Variants in ODF2 observed in about 807,000 individuals in gnomAD.
ODF2 encodes outer dense fiber protein 2.
In ODF2, 47 loss-of-function variants were observed where a neutral mutation model predicts 110.2. The ratio of observed to expected loss-of-function variants is 0.43; its 90% CI spans 0.34 to 0.54. The LOEUF (loss-of-function observed/expected upper bound fraction) is 0.54. ODF2 is among the 20% of genes least tolerant of loss of function. ODF2 has a pLI of 0.03. For missense variants in ODF2, 812 were observed against 1,054.5 expected, an observed-to-expected ratio of 0.77 and a Z score of 3.19; for synonymous variants, 352 against 397.7, an observed-to-expected ratio of 0.89 and a Z score of 1.37.
intron 16 of ODF2, among the ~76,000 whole-genome samples, chr9:128,493,976 G>T (rs1465379384): frequency 6.6e-6 from 1 of 152,108 alleles, no homozygotes; most frequent in South Asian, 2.1e-4. Flanking sequence ...TGTATTTTTA[G>T]TAGAGACAGG....
rs756010325 is a variant in ODF2 at position 128,496,021 on chromosome 9, C to T, written c.1912-20C>T. 12 of 1,613,340 alleles carry T rather than the reference C, an allele frequency of 7.4e-6. No homozygotes were observed. The African/African-American group carries it at 1.6e-4, about 22-fold the overall frequency. On this transcript the variant is annotated intron_variant, in intron 17 of 20. Coordinates refer to ENST00000604420, the Ensembl canonical transcript of ODF2. ...GCGGGAAATTCCTTTGTAAACCAGT[C>T]TGTGTTCCTGTCATTTTAGATCGAA...
chr9:128,485,869 A>G lies in ODF2; in HGVS notation c.1400+395A>G, dbSNP rs575482301. ...AGTGTCTTCTCTCTGTTGTCTGTCCAGGGACAGCAGCTGTTTGCCAGTGCC... is the reference window on the plus strand; with the variant it reads ...AGTGTCTTCTCTCTGTTGTCTGTCCGGGGACAGCAGCTGTTTGCCAGTGCC... On this transcript the variant is annotated intron_variant, in intron 13 of 20. Transcript: ENST00000604420. This position sits in a 1 kb window ranked among gnomAD's most constrained non-coding sequence, Gnocchi z 5.0. Among the ~76,000 whole-genome samples the G allele has an allele frequency of 9.2e-5, 14 of 152,246 alleles. No individual in the cohort carries two copies. The highest frequency in any genetic ancestry group is 1.3e-4 in the Non-Finnish European group (9 of 67,998).
intron 1 of ODF2, chr9:128,456,760 G>C (rs1022628131): frequency 8.0e-6 from 7 of 877,876 alleles, no homozygotes; most frequent in Middle Eastern, 5.8e-4. Flanking sequence ...TCGCCCGGCG[G>C]GGGGGGGTCC....
At position 128,494,407 on chromosome 9, in the gene ODF2, A is replaced by G. The variant is rs1192181280; in HGVS notation, c.1753-103A>G. ...AGGATCCTCCACTGGGGACTGTGTC[A>G]GCCCTGCCCTAACTCTAAAGGACTC... is the stretch of plus-strand genomic sequence containing the variant. On this transcript the variant is annotated intron_variant, in intron 16 of 20. Coordinates refer to ENST00000604420, the Ensembl canonical transcript of ODF2. This position sits in a 1 kb window ranked among gnomAD's most constrained non-coding sequence, Gnocchi z 4.6. 5.9e-6 allele frequency: 6 copies of G among 1,012,540 alleles called. No homozygotes were observed. In the East Asian group the frequency reaches 1.2e-4, roughly 21 times the overall value. The allele number at this position is 1,012,540 out of a possible 1,614,324, so 62.7% of individuals were successfully genotyped here.
chr9:128,485,527 G>C lies in ODF2; in HGVS notation c.1400+53G>C. 1 of 1,012,044 alleles carries C rather than the reference G, an allele frequency of 9.9e-7. No homozygotes were observed. 62.7% of individuals were successfully genotyped at this position (1,012,044 alleles called of 1,614,324 possible). On this transcript the variant is annotated intron_variant, in intron 13 of 20. Transcript: ENST00000604420. This position sits in a 1 kb window ranked among gnomAD's most constrained non-coding sequence, Gnocchi z 5.0. The stretch of plus-strand genomic sequence containing the variant: ...TGGCGCTGTTGAGGGACTTGGGTGT[G>C]CAGGTGGGAGGGGCCTAGTGGCTCA...
intron 8 of ODF2, among the ~76,000 whole-genome samples, chr9:128,479,087 C>T (rs1006795407): frequency 1.3e-5 from 2 of 152,168 alleles, no homozygotes; most frequent in South Asian, 2.1e-4. Context: ...GTTCTGCATC[C>T]GTGGCCAAGC....
At chr9:128,484,767 T>G in exon 12 of ODF2, 1 of 1,608,978 alleles carries the variant, frequency 6.2e-7, no homozygotes, top group Non-Finnish European at 8.5e-7. Flanking sequence ...GCTGAAGGAG[T>G]TGAAGCAGAA....
chr9:128,478,146 A>G (rs1841711567), intron 8 of ODF2, among the ~76,000 whole-genome samples: 1 of 152,050 alleles, frequency 6.6e-6, no homozygotes, highest in Non-Finnish European at 1.5e-5. Context: ...ACAGGTGTGC[A>G]TCACCACACC....
intron 18 of ODF2, chr9:128,497,396 G>A (rs1454527418): frequency 1.7e-5 from 2 of 116,488 alleles, no homozygotes; most frequent in South Asian, 2.9e-4. Flanking sequence ...GGCCATCCTG[G>A]CTAACACGGT....
At chr9:128,468,764 C>T (rs1251921762) in intron 4 of ODF2, among the ~76,000 whole-genome samples, 2 of 152,126 alleles carry the variant, frequency 1.3e-5, no homozygotes, top group Non-Finnish European at 2.9e-5. Flanking sequence ...TCTGGTCATC[C>T]ACCCGCCTCA....
In ODF2 at chr9:128,494,402, G is replaced by A. The variant is rs952776408; in HGVS notation, c.1753-108G>A. Reference sequence around the variant, plus strand: ...TTTGCAGGATCCTCCACTGGGGACTGTGTCAGCCCTGCCCTAACTCTAAAG... The same window carrying A: ...TTTGCAGGATCCTCCACTGGGGACTATGTCAGCCCTGCCCTAACTCTAAAG... On this transcript the variant is annotated intron_variant, in intron 16 of 20. Coordinates refer to ENST00000604420, the Ensembl canonical transcript of ODF2. The surrounding 1 kb of genome is among the most constrained non-coding windows in gnomAD (Gnocchi z 4.6). 9.4e-6 allele frequency: 9 copies of A among 955,300 alleles called. No individual in the cohort carries two copies. The African/African-American group carries it at 1.3e-4, about 14-fold the overall frequency. The allele number at this position is 955,300 out of a possible 1,614,324, so 59.2% of individuals were successfully genotyped here.
intron 8 of ODF2, among the ~76,000 whole-genome samples, chr9:128,478,677 T>C (rs1841832775): frequency 6.6e-6 from 1 of 151,830 alleles, no homozygotes; most frequent in Non-Finnish European, 1.5e-5. Flanking sequence ...CATCCTGGAG[T>C]CCCATCTTCA....
chr9:128,477,558 A>G (rs1020228021), intron 8 of ODF2, among the ~76,000 whole-genome samples: 4 of 151,814 alleles, frequency 2.6e-5, no homozygotes, highest in African/African-American at 4.8e-5. Context: ...AAAAAATTAT[A>G]TATATATATA....
At chr9:128,472,541 G>A (rs1840285161) in intron 6 of ODF2, among the ~76,000 whole-genome samples, 1 of 152,200 alleles carries the variant, frequency 6.6e-6, no homozygotes, top group Non-Finnish European at 1.5e-5. Context: ...GCAGGGAGGT[G>A]GCCTGACTAG....
chr9:128,457,658 C>T (rs1835256951), intron 2 of ODF2, among the ~76,000 whole-genome samples: 1 of 152,214 alleles, frequency 6.6e-6, no homozygotes, highest in Non-Finnish European at 1.5e-5. Context: ...TCACAGCTTC[C>T]TGGAAGCAAA....
intron 16 of ODF2, among the ~76,000 whole-genome samples, chr9:128,493,586 G>A (rs1167778461): frequency 6.6e-6 from 1 of 152,106 alleles, no homozygotes; most frequent in African/African-American, 2.4e-5. Context: ...TTAGAGCAGC[G>A]GGATTATCTT....
downstream of ODF2, chr9:128,500,961 T>C (rs1264904106): frequency 6.6e-6 from 1 of 152,242 alleles, no homozygotes; most frequent in East Asian, 1.9e-4. Context: ...TAATCAGTTA[T>C]TTAAGGCTCC....
intron 6 of ODF2, among the ~76,000 whole-genome samples, chr9:128,472,168 T>C (rs1227880123): frequency 3.9e-5 from 6 of 152,056 alleles, no homozygotes; most frequent in Non-Finnish European, 7.4e-5. Flanking sequence ...TAATCCTAGC[T>C]ACTCTGGAGG....
At position 128,484,898 on chromosome 9, in the gene ODF2, G is replaced by A. The variant is rs766903096; in HGVS notation, c.1290+12G>A. 28 of 1,610,830 alleles carry A rather than the reference G, an allele frequency of 1.7e-5. No individual in the cohort carries two copies. Among genetic ancestry groups the A allele is most frequent in the South Asian group, 3.3e-5 (3 of 90,350 alleles). The stretch of plus-strand genomic sequence containing the variant: ...AACTCGCTGACAAGGTCGCAGGCCC[G>A]CGGTGCCCAGCTCCTCACCTGCCCT... On this transcript the variant is annotated intron_variant, in intron 12 of 20. Transcript: ENST00000604420.
Sources: gnomAD v4.1 joint callset for allele counts (sites outside exome capture counted in the v4.1 genomes callset) on GRCh38, gnomAD v4.1.1 for gene constraint, Gnocchi (gnomAD v3.1) non-coding constraint, MANE v1.5 for transcripts, NCBI Gene and HGNC (gene_info 2026-07-23, HGNC 2026-07-21) for gene names.